Variants in PDE1C observed in about 807,000 individuals in gnomAD.
PDE1C encodes dual specificity calcium/calmodulin-dependent 3',5'-cyclic nucleotide phosphodiesterase 1C.
In PDE1C, 62 loss-of-function variants were observed where a neutral mutation model predicts 93.1. That is an observed-to-expected ratio of 0.67 (90% CI 0.54 to 0.82). The LOEUF (loss-of-function observed/expected upper bound fraction) is 0.82. PDE1C is among the 40% of genes least tolerant of loss of function. The probability of loss-of-function intolerance (pLI) is 0.00; values close to 1 mark genes in which losing one functional copy is unlikely to be tolerated. For missense variants in PDE1C, 742 were observed against 884.6 expected, an observed-to-expected ratio of 0.84 and a Z score of 2.04; for synonymous variants, 325 against 310.1, an observed-to-expected ratio of 1.05 and a Z score of -0.50.
chr7:31,709,931 C>T, the PDE1C span, among the ~76,000 whole-genome samples: 3 of 152,112 alleles, frequency 2.0e-5, no homozygotes, highest in Admixed American at 1.3e-4. Flanking sequence ...GGGAGCATCA[C>T]TTGAACCCAG....
chr7:32,361,228 T>C (rs1181420147), intron 1 of PDE1C, among the ~76,000 whole-genome samples: 1 of 152,226 alleles, frequency 6.6e-6, no homozygotes, highest in African/African-American at 2.4e-5. Flanking sequence ...AGCTGAGTTC[T>C]GCCTCCAGGT....
the PDE1C span, among the ~76,000 whole-genome samples, chr7:31,662,627 CTG>C: frequency 1.8e-3 from 269 of 152,250 alleles, 1 homozygote; most frequent in African/African-American, 6.1e-3. Context: ...GTGTTTGACT[CTG>C]TGCATGTATG....
chr7:31,878,930 C>T, intron 4 of PDE1C, 66 bp downstream of exon 4: 1 of 1,466,704 alleles, frequency 6.8e-7, no homozygotes, highest in Admixed American at 1.8e-5. Context: ...AGCAAAGCTT[C>T]CAGTTATTGG....
chr7:32,126,743 T>C (rs1799602681), intron 3 of PDE1C, among the ~76,000 whole-genome samples: 2 of 151,922 alleles, frequency 1.3e-5, no homozygotes, highest in African/African-American at 4.8e-5. Context: ...AACTAAAATT[T>C]TACTACACAA....
intron 2 of PDE1C, among the ~76,000 whole-genome samples, chr7:31,913,454 A>T (rs1801506314): frequency 6.6e-6 from 1 of 152,184 alleles, no homozygotes; most frequent in Non-Finnish European, 1.5e-5. Flanking sequence ...TGGGTCATGT[A>T]GGAAGGGAGG....
At chr7:32,195,795 T>C (rs1407778216) in intron 2 of PDE1C, among the ~76,000 whole-genome samples, 2 of 152,198 alleles carry the variant, frequency 1.3e-5, no homozygotes, top group South Asian at 4.1e-4. Context: ...CAAAGGAATA[T>C]GGTGCACTAC....
At chr7:31,915,071 T>A (rs2109836) in intron 2 of PDE1C, among the ~76,000 whole-genome samples, 64,390 of 152,082 alleles carry the variant, frequency 0.42, 15,422 homozygotes, top group Non-Finnish European at 0.54. Context: ...TTTCAAATAT[T>A]CACTCATCCC....
intron 1 of PDE1C, among the ~76,000 whole-genome samples, chr7:32,310,986 C>A (rs1783022336): frequency 6.6e-6 from 1 of 152,004 alleles, no homozygotes; most frequent in Non-Finnish European, 1.5e-5. Context: ...AAAAGATCAA[C>A]AAAATTGATA....
At chr7:32,063,717 T>C (rs1795066349) in intron 1 of PDE1C, among the ~76,000 whole-genome samples, 1 of 152,240 alleles carries the variant, frequency 6.6e-6, no homozygotes, top group African/African-American at 2.4e-5. Context: ...GAGATTTAAC[T>C]TGATCTTTAT....
At chr7:32,387,779 C>T (rs1347341039) in intron 1 of PDE1C, among the ~76,000 whole-genome samples, 1 of 141,856 alleles carries the variant, frequency 7.0e-6, no homozygotes, top group East Asian at 2.1e-4. Flanking sequence ...CCTCACCTCC[C>T]GGACGGGGCG....
At chr7:31,833,036 T>C (rs1328348673) in intron 11 of PDE1C, among the ~76,000 whole-genome samples, 2 of 152,154 alleles carry the variant, frequency 1.3e-5, no homozygotes, top group Non-Finnish European at 2.9e-5. Flanking sequence ...TTCCCATGTG[T>C]TGTGGAAGGG....
intron 1 of PDE1C, among the ~76,000 whole-genome samples, chr7:32,387,688 C>A (rs866565794): frequency 2.2e-3 from 327 of 146,792 alleles, no homozygotes; most frequent in African/African-American, 8.0e-3. Context: ...GCTGACCCCC[C>A]CCACCTCCCT....
intron 2 of PDE1C, among the ~76,000 whole-genome samples, chr7:31,982,050 C>T (rs909407853): frequency 6.6e-6 from 1 of 152,222 alleles, no homozygotes; most frequent in Admixed American, 6.5e-5. Flanking sequence ...CAATTCACTG[C>T]TATCTGCATG....
chr7:32,151,221 GC>G (rs34261323), intron 3 of PDE1C, among the ~76,000 whole-genome samples: 1 of 151,976 alleles, frequency 6.6e-6, no homozygotes, highest in South Asian at 2.1e-4. Context: ...GTTAGAACCA[GC>G]CCCACCCCCA....
At chr7:31,668,638 G>T in the PDE1C span, among the ~76,000 whole-genome samples, 2,388 of 152,194 alleles carry the variant, frequency 0.016, 51 homozygotes, top group African/African-American at 0.052. Flanking sequence ...AATTAATAGA[G>T]ACAGAAAGTG....
chr7:32,248,560 G>A (rs1357465829), intron 1 of PDE1C, among the ~76,000 whole-genome samples: 1 of 152,214 alleles, frequency 6.6e-6, no homozygotes, highest in Non-Finnish European at 1.5e-5. Flanking sequence ...AAAGCTAGGG[G>A]TGACCAAGGG....
intron 16 of PDE1C, chr7:31,790,019 T>A: frequency 7.6e-7 from 1 of 1,321,370 alleles, no homozygotes; most frequent in Non-Finnish European, 9.6e-7. Context: ...CAGGGGAATA[T>A]CCCCCAGAGT....
rs1562660556 is a variant in PDE1C, at chr7:32,298,065, C to CTCTCTCTCTCTCTCTCTCTCTCTCTCT, written c.85+585_85+586insAGAGAGAGAGAGAGAGAGAGAGAGAGA. On this transcript the variant is annotated intron_variant, in intron 1 of 18. Coordinates refer to the PDE1C transcript ENST00000396193. ...CTCTCTCTCTCTCTCTCTCTCTCTC[C>CTCTCTCTCTCTCTCTCTCTCTCTCTCT]CCTCTCTCTCTGAATTCCCCGGTCT... Among the ~76,000 whole-genome samples, 22 of 21,174 alleles carry CTCTCTCTCTCTCTCTCTCTCTCTCTCT rather than the reference C, an allele frequency of 1.0e-3. 8 individuals carry two copies. Among genetic ancestry groups the CTCTCTCTCTCTCTCTCTCTCTCTCTCT allele is most frequent in the Non-Finnish European group, 1.5e-3 (18 of 12,148 alleles). 13.9% of individuals were successfully genotyped at this position (21,174 alleles called of 152,430 possible). A position where few individuals can be genotyped will look rare whatever the true frequency, so the allele number is the denominator to read the frequency against.
intron 5 of PDE1C, among the ~76,000 whole-genome samples, chr7:31,877,695 T>C (rs1562958635): frequency 6.9e-6 from 1 of 145,330 alleles, no homozygotes; most frequent in Non-Finnish European, 1.5e-5. Flanking sequence ...ATCAGATAAC[T>C]CTCATAATGA....
Sources: gnomAD v4.1 joint callset for allele counts (sites outside exome capture counted in the v4.1 genomes callset) on GRCh38, gnomAD v4.1.1 for gene constraint, MANE v1.5 for transcripts, NCBI Gene and HGNC (gene_info 2026-07-23, HGNC 2026-07-21) for gene names.